The following LMX1B variants were observed in gnomAD, a reference collection of about 807,000 sequenced individuals.
LMX1B encodes the protein LIM homeobox transcription factor 1-beta.
A neutral mutation model predicts 51.4 loss-of-function variants in LMX1B; 12 were observed. That is an observed-to-expected ratio of 0.23 (90% confidence interval 0.15 to 0.38). LMX1B has a LOEUF of 0.38. Ranked by LOEUF, LMX1B falls within the 10% of genes least tolerant of loss-of-function variation. The pLI is 1.00. For missense variants in LMX1B, 445 were observed against 571.1 expected (o/e 0.78, Z 2.25); for synonymous variants, 237 against 235.4 (o/e 1.01, Z -0.06).
chr9:126,661,816 G>A (rs1836252398), intron 2 of LMX1B, among the ~76,000 whole-genome samples: 1 of 152,218 alleles, frequency 6.6e-6, no homozygotes, highest in Non-Finnish European at 1.5e-5. Flanking sequence ...CCGCTGCAGA[G>A]GGGAGGGGGA....
chr9:126,691,856 C>G lies in LMX1B; in HGVS notation c.559+788C>G, dbSNP rs112811786. Among the ~76,000 whole-genome samples, 778 of 152,306 alleles carry G rather than the reference C, an allele frequency of 5.1e-3. 4 individuals carry two copies. The highest frequency in any genetic ancestry group is 0.051 in the Middle Eastern group (15 of 294). On this transcript the variant is annotated intron_variant, in intron 3 of 7. Coordinates refer to ENST00000373474, the MANE Select transcript of LMX1B (RefSeq NM_001174147.2). ...TGCTGGAGGGAAAGACCCCATTTCC[C>G]AGGGTGAAGGACCCTCCCTCCTCTG...
rs1368160250 is a variant in LMX1B at position 126,625,026 on chromosome 9, T to G, written c.326+9457T>G. Among the ~76,000 whole-genome samples, 2 of 152,206 alleles carry G rather than the reference T, an allele frequency of 1.3e-5. No homozygotes were observed. Among genetic ancestry groups the G allele is most frequent in the African/African-American group, 4.8e-5 (2 of 41,456 alleles). ...GGTGCTGAGTGACAGGGCTCTGTCG[T>G]TTAATCAGAGGCTGTGCCGCTCAAA... On this transcript the variant is annotated intron_variant, in intron 2 of 7. Coordinates refer to ENST00000373474, the MANE Select transcript of LMX1B (RefSeq NM_001174147.2). The surrounding 1 kb of genome is among the most constrained non-coding windows in gnomAD (Gnocchi z 5.3).
Position 126,625,423 on chromosome 9 carries a change from C to T in LMX1B, c.326+9854C>T, listed in dbSNP as rs925613779. The stretch of plus-strand genomic sequence containing the variant: ...CACGGGTCCTGCTCTGTCCCCTCTT[C>T]CCAGGAAAGGTGGCACTCCGGGTGC... On this transcript the variant is annotated intron_variant, in intron 2 of 7. Transcript: ENST00000373474. The surrounding 1 kb of genome is among the most constrained non-coding windows in gnomAD (Gnocchi z 5.3). Among the ~76,000 whole-genome samples the T allele has an allele frequency of 3.3e-5, 5 of 152,204 alleles. No individual in the cohort carries two copies. Among genetic ancestry groups the T allele is most frequent in the African/African-American group, 1.2e-4 (5 of 41,448 alleles).
In LMX1B at chr9:126,697,410, G is replaced by A. The variant is rs2030379437; in HGVS notation, c.*959G>A. The A allele has an allele frequency of 1.3e-5, 2 of 152,326 alleles. No individual in the cohort carries two copies. The highest frequency in any genetic ancestry group is 2.4e-5 in the African/African-American group (1 of 41,392). The allele number at this position is 152,326 out of a possible 1,614,324, so 9.4% of individuals were successfully genotyped here. A position where few individuals can be genotyped will look rare whatever the true frequency, so the allele number is the denominator to read the frequency against. The stretch of plus-strand genomic sequence containing the variant: ...GTCAGGGACTTCAGAAGCACCTGCT[G>A]GGCACCCCATCTGCAATGTGGTCCT... On this transcript the variant is annotated 3_prime_UTR_variant, in exon 8 of 8. Transcript: ENST00000373474.
At chr9:126,691,301 T>C (rs543880460) in intron 3 of LMX1B, among the ~76,000 whole-genome samples, 4 of 152,126 alleles carry the variant, frequency 2.6e-5, no homozygotes, top group Non-Finnish European at 4.4e-5. Flanking sequence ...TCCATACATA[T>C]AAACATATGT....
At chr9:126,656,087 G>A (rs1188769582) in intron 2 of LMX1B, among the ~76,000 whole-genome samples, 2 of 152,182 alleles carry the variant, frequency 1.3e-5, no homozygotes, top group East Asian at 3.8e-4. Flanking sequence ...CCAGGTGGAA[G>A]GAAAAATGGG....
rs1468859830 is a variant in LMX1B at position 126,695,093 on chromosome 9, G to A, written c.887-746G>A. Among the ~76,000 whole-genome samples the A allele has an allele frequency of 1.3e-5, 2 of 151,952 alleles. No homozygotes were observed. The highest frequency in any genetic ancestry group is 2.9e-5 in the Non-Finnish European group (2 of 67,960). ...GGAGTGAAGTCTTCTCATGTCTCTC[G>A]CACCCTCCTAGGAGCTGTCTCTCCC... On this transcript the variant is annotated intron_variant, in intron 6 of 7. Coordinates refer to ENST00000373474, the MANE Select transcript of LMX1B (RefSeq NM_001174147.2). The surrounding 1 kb of genome is among the most constrained non-coding windows in gnomAD (Gnocchi z 5.2).
At chr9:126,635,435 A>G (rs1226773816) in intron 2 of LMX1B, among the ~76,000 whole-genome samples, 1 of 152,234 alleles carries the variant, frequency 6.6e-6, no homozygotes, top group Non-Finnish European at 1.5e-5. Context: ...GGCTGAGGGC[A>G]CTGCCTGGGC....
In LMX1B at chr9:126,690,973, A is replaced by T; in HGVS notation, c.464A>T (p.Glu155Val). Residue 155 changes from glutamate to valine, a missense_variant, in exon 3 of 8, where the codon GAA becomes GTA. Transcript: ENST00000373474. Reference sequence around the variant, plus strand: ...GAACGGCAGCTACGCAAGGGCGACGAATTCGTGCTCAAGGAGGGCCAGCTG... The same window carrying T: ...GAACGGCAGCTACGCAAGGGCGACGTATTCGTGCTCAAGGAGGGCCAGCTG... ...VCERQLRKGD[E>V]FVLKEGQLLC... The T allele has an allele frequency of 6.2e-7, 1 of 1,614,010 alleles. No individual in the cohort carries two copies. The highest frequency in any genetic ancestry group is 1.3e-5 in the African/African-American group (1 of 74,940).
chr9:126,653,667 T>C (rs1487399237), intron 2 of LMX1B, among the ~76,000 whole-genome samples: 1 of 152,134 alleles, frequency 6.6e-6, no homozygotes, highest in African/African-American at 2.4e-5. Context: ...TCTGTGCCAA[T>C]TTATCACATG....
intron 2 of LMX1B, among the ~76,000 whole-genome samples, chr9:126,651,793 G>C (rs1440711923): frequency 1.3e-5 from 2 of 152,154 alleles, no homozygotes; most frequent in Non-Finnish European, 2.9e-5. Flanking sequence ...GGATCCCACA[G>C]ACCAGGGTCT....
intron 2 of LMX1B, among the ~76,000 whole-genome samples, chr9:126,639,056 G>A (rs961526437): frequency 2.0e-5 from 3 of 151,592 alleles, no homozygotes; most frequent in African/African-American, 4.9e-5. Context: ...GGAGGGGAAA[G>A]GAGAGTTGGG....
rs1168514307 is a variant in LMX1B, at chr9:126,614,118, ACCGCCG to A, written c.-323_-318del. 4.1e-5 allele frequency among the ~76,000 whole-genome samples: 4 copies of A among 97,922 alleles called. No homozygotes were observed. The East Asian group carries it at 1.3e-3, about 32-fold the overall frequency. 64.2% of individuals were successfully genotyped at this position (97,922 alleles called of 152,430 possible). A position where few individuals can be genotyped will look rare whatever the true frequency, so the allele number is the denominator to read the frequency against. ...CCCGCCTGCCGCCGCCGCCACCGCC[ACCGCCG>A]CCGCCGCCTCCTCCCCGCGGCTCCG... On this transcript the variant is annotated 5_prime_UTR_variant, in exon 1 of 8. Transcript: ENST00000373474.
chr9:126,623,719 C>T (rs997690005), intron 2 of LMX1B, among the ~76,000 whole-genome samples: 1 of 151,732 alleles, frequency 6.6e-6, no homozygotes, highest in African/African-American at 2.4e-5. Flanking sequence ...GAGGGGGAGT[C>T]GCTACCCGAG....
Position 126,677,091 on chromosome 9 carries a change from G to A in LMX1B, c.327-13745G>A, listed in dbSNP as rs1259674681. 6.6e-6 allele frequency among the ~76,000 whole-genome samples: 1 copy of A among 152,166 alleles called. No homozygotes were observed. Among genetic ancestry groups the A allele is most frequent in the African/African-American group, 2.4e-5 (1 of 41,444 alleles). On this transcript the variant is annotated intron_variant, in intron 2 of 7. Coordinates refer to ENST00000373474, the MANE Select transcript of LMX1B (RefSeq NM_001174147.2). The surrounding 1 kb of genome is among the most constrained non-coding windows in gnomAD (Gnocchi z 5.0). Reference sequence around the variant, plus strand: ...GTTACCCACTAAATGGGCGGGCTGCGTGCCCTGCCTGTCCCGAAGGCCGAG... The same window carrying A: ...GTTACCCACTAAATGGGCGGGCTGCATGCCCTGCCTGTCCCGAAGGCCGAG...
chr9:126,683,233 G>A (rs1351269526), intron 2 of LMX1B, among the ~76,000 whole-genome samples: 1 of 151,074 alleles, frequency 6.6e-6, no homozygotes, highest in Non-Finnish European at 1.5e-5. Flanking sequence ...GAGCGCGCCC[G>A]TCTCGCCGCG....
At chr9:126,682,082 T>G (rs10987408) in intron 2 of LMX1B, among the ~76,000 whole-genome samples, 1 of 106,894 alleles carries the variant, frequency 9.4e-6, no homozygotes, top group Non-Finnish European at 1.7e-5. Flanking sequence ...GTCCCCAGGG[T>G]CTTTTTTTTT....
chr9:126,672,612 C>T (rs960694295), intron 2 of LMX1B, among the ~76,000 whole-genome samples: 1 of 152,152 alleles, frequency 6.6e-6, no homozygotes, highest in Non-Finnish European at 1.5e-5. Flanking sequence ...GGATGGAAAG[C>T]CGGGGCCCAG....
rs775024052 is a variant in LMX1B at position 126,671,196 on chromosome 9, C to T, written c.327-19640C>T. Reference sequence around the variant, plus strand: ...CACCCCAGTAAACCCAGCTCTGCTTCGCCACCGCCGAGCTCTGAGCTGGGG... The same window carrying T: ...CACCCCAGTAAACCCAGCTCTGCTTTGCCACCGCCGAGCTCTGAGCTGGGG... On this transcript the variant is annotated intron_variant, in intron 2 of 7. Transcript: ENST00000373474. This position sits in a 1 kb window ranked among gnomAD's most constrained non-coding sequence, Gnocchi z 4.4. Among the ~76,000 whole-genome samples, 3 of 152,216 alleles carry T rather than the reference C, an allele frequency of 2.0e-5. No individual in the cohort carries two copies. The highest frequency in any genetic ancestry group is 2.9e-5 in the Non-Finnish European group (2 of 68,024).
Sources: allele counts gnomAD v4.1 joint callset (sites outside exome capture counted in the v4.1 genomes callset), GRCh38; gene constraint gnomAD v4.1.1; non-coding constraint Gnocchi (gnomAD v3.1); transcripts MANE v1.5; gene names NCBI Gene and HGNC (gene_info 2026-07-23, HGNC 2026-07-21).